ZBTB20: variants seen among roughly 807,000 people sequenced by gnomAD.
ZBTB20 encodes zinc finger and BTB domain-containing protein 20.
In ZBTB20, 9 loss-of-function variants were observed where a neutral mutation model predicts 56.9. That is an observed-to-expected ratio of 0.16 (90% CI 0.10 to 0.28). The LOEUF (loss-of-function observed/expected upper bound fraction) is 0.28, where lower values mean the gene tolerates loss of function less well. Among genes scored for constraint, ZBTB20 ranks in the 10% least tolerant of loss-of-function variants. The pLI is 1.00. For missense variants in ZBTB20, 655 were observed against 1,003.0 expected, an observed-to-expected ratio of 0.65 and a Z score of 4.69; for synonymous variants, 417 against 420.7, an observed-to-expected ratio of 0.99 and a Z score of 0.11.
chr3:114,832,582 C>T (rs574870847), intron 4 of ZBTB20, among the ~76,000 whole-genome samples: 1 of 152,126 alleles, frequency 6.6e-6, no homozygotes, highest in Non-Finnish European at 1.5e-5. Context: ...AAGCACAATG[C>T]ATTATTCTAT....
intron 4 of ZBTB20, among the ~76,000 whole-genome samples, chr3:114,890,959 A>G (rs2076784138): frequency 6.6e-6 from 1 of 151,578 alleles, no homozygotes; most frequent in Non-Finnish European, 1.5e-5. Flanking sequence ...TCTCCTTTCT[A>G]TTTCCTTATG....
intron 4 of ZBTB20, among the ~76,000 whole-genome samples, chr3:114,899,631 A>G (rs1461096472): frequency 6.6e-6 from 1 of 152,200 alleles, no homozygotes; most frequent in Admixed American, 6.5e-5. Flanking sequence ...CAAGGTCTAC[A>G]TCAAGTAAGA....
chr3:114,687,609 T>TAAAAA (rs201910158), intron 6 of ZBTB20: 11 of 105,420 alleles, frequency 1.0e-4, no homozygotes, highest in African/African-American at 3.1e-4. Flanking sequence ...AGTTGAAAGG[T>TAAAAA]AAAAAAAAAA....
At chr3:114,629,103 G>T (rs1399489006) in intron 6 of ZBTB20, among the ~76,000 whole-genome samples, 2 of 152,074 alleles carry the variant, frequency 1.3e-5, no homozygotes, top group Non-Finnish European at 2.9e-5. Context: ...TGGAAGCAGT[G>T]GGCAGTGGTT....
At chr3:114,452,260 C>G (rs924464469) in intron 7 of ZBTB20, among the ~76,000 whole-genome samples, 1 of 152,066 alleles carries the variant, frequency 6.6e-6, no homozygotes, top group Non-Finnish European at 1.5e-5. Context: ...GGATGACATT[C>G]TTTTTAAAAG....
At chr3:115,114,850 C>T (rs537311261) in intron 1 of ZBTB20, among the ~76,000 whole-genome samples, 8 of 151,968 alleles carry the variant, frequency 5.3e-5, no homozygotes, top group Admixed American at 3.9e-4. Context: ...TACATTAGAG[C>T]GCATAGTATG....
chr3:114,516,004 ATTTTTT>A (rs34260800), intron 6 of ZBTB20, among the ~76,000 whole-genome samples: 2 of 141,216 alleles, frequency 1.4e-5, no homozygotes, highest in Non-Finnish European at 3.1e-5. Context: ...TAATTAAACA[ATTTTTT>A]TTTTTTTTTT....
At chr3:114,823,397 T>A (rs931457365) in intron 4 of ZBTB20, among the ~76,000 whole-genome samples, 1 of 152,168 alleles carries the variant, frequency 6.6e-6, no homozygotes, top group East Asian at 1.9e-4. Flanking sequence ...ATGGGCATAA[T>A]ATGAGCCAGG....
intron 5 of ZBTB20, among the ~76,000 whole-genome samples, chr3:114,798,564 C>T (rs981535291): frequency 4.6e-5 from 7 of 151,840 alleles, no homozygotes; most frequent in African/African-American, 1.2e-4. Context: ...TAGACTATCA[C>T]GTCTAGGTCT....
chr3:114,881,481 TA>T (rs1240618173), intron 4 of ZBTB20, among the ~76,000 whole-genome samples: 1 of 152,030 alleles, frequency 6.6e-6, no homozygotes, highest in Non-Finnish European at 1.5e-5. Context: ...AGTATTACCA[TA>T]TGAACTGGAT....
chr3:114,436,851 A>G (rs1465526671), intron 7 of ZBTB20, among the ~76,000 whole-genome samples: 2 of 152,172 alleles, frequency 1.3e-5, no homozygotes, highest in Non-Finnish European at 2.9e-5. Context: ...ACCCTTAAAA[A>G]ACAAAAAAGA....
At chr3:114,990,273 T>G (rs547665296) in intron 2 of ZBTB20, among the ~76,000 whole-genome samples, 13 of 152,292 alleles carry the variant, frequency 8.5e-5, no homozygotes, top group Admixed American at 7.8e-4. Flanking sequence ...TTGAGATACA[T>G]CCCATCAATA....
chr3:114,484,031 T>G (rs1210946216), intron 7 of ZBTB20, among the ~76,000 whole-genome samples: 1 of 152,090 alleles, frequency 6.6e-6, no homozygotes, highest in Non-Finnish European at 1.5e-5. Flanking sequence ...AATTGGCACA[T>G]GCACAATGGC....
At chr3:114,530,343 G>T (rs2047702387) in intron 6 of ZBTB20, among the ~76,000 whole-genome samples, 1 of 152,088 alleles carries the variant, frequency 6.6e-6, no homozygotes, top group Admixed American at 6.6e-5. Context: ...TTACCATTCT[G>T]TTATAATTAC....
intron 4 of ZBTB20, among the ~76,000 whole-genome samples, chr3:114,869,976 AC>A (rs1293748168): frequency 6.6e-6 from 1 of 152,214 alleles, no homozygotes; most frequent in African/African-American, 2.4e-5. Flanking sequence ...AAATCTTCAC[AC>A]AATCCTTGAA....
chr3:114,990,850 A>G (rs1005348810), intron 2 of ZBTB20, among the ~76,000 whole-genome samples: 22 of 152,176 alleles, frequency 1.4e-4, no homozygotes, highest in African/African-American at 5.3e-4. Context: ...GTGTGTGTTC[A>G]GGAATTTATC....
chr3:114,576,715 C>T (rs1405132491), intron 6 of ZBTB20, among the ~76,000 whole-genome samples: 6 of 150,690 alleles, frequency 4.0e-5, no homozygotes, highest in African/African-American at 9.8e-5. Flanking sequence ...TGATTATTAC[C>T]GAAAGAATAA....
chr3:114,974,846 A>G (rs573992891), intron 2 of ZBTB20, among the ~76,000 whole-genome samples: 1 of 152,312 alleles, frequency 6.6e-6, no homozygotes, highest in East Asian at 1.9e-4. Flanking sequence ...GTATGCAAAG[A>G]TAAAACACAA....
chr3:114,573,218 G>C (rs1310366093), intron 6 of ZBTB20, among the ~76,000 whole-genome samples: 1 of 152,110 alleles, frequency 6.6e-6, no homozygotes, highest in Non-Finnish European at 1.5e-5. Flanking sequence ...CCAGCACTTT[G>C]GGAGGTTGAG....
Sources: allele counts gnomAD v4.1 joint callset (sites outside exome capture counted in the v4.1 genomes callset), GRCh38; gene constraint gnomAD v4.1.1; transcripts MANE v1.5; gene names NCBI Gene and HGNC (gene_info 2026-07-23, HGNC 2026-07-21).